Variants in COL4A6 observed in about 807,000 individuals in gnomAD.
COL4A6 encodes the protein collagen type IV alpha 6 chain.
Under a neutral mutation model 126.7 loss-of-function variants are expected in COL4A6, and 59 were observed. That is an observed-to-expected ratio of 0.47 (90% CI 0.38 to 0.58). The LOEUF (loss-of-function observed/expected upper bound fraction) is 0.58, where lower values mean the gene tolerates loss of function less well. Among genes scored for constraint, COL4A6 ranks in the 20% least tolerant of loss-of-function variants. COL4A6 has a pLI of 0.00. For missense variants in COL4A6, 1,285 were observed against 1,337.3 expected, an observed-to-expected ratio of 0.96 and a Z score of 0.61; for synonymous variants, 547 against 496.6, an observed-to-expected ratio of 1.10 and a Z score of -1.35.
chrX:108,321,720 T>TAA (rs1490521925), intron 2 of COL4A6, among the ~76,000 whole-genome samples: 10 of 110,853 alleles, frequency 9.0e-5, no homozygotes, highest in African/African-American at 2.9e-4. Context: ...TATATATATA[T>TAA]AATCTTCATT....
In COL4A6 at chrX:108,214,140, T is replaced by C; in HGVS notation, c.413A>G (p.Asp138Gly). Residue 138 changes from aspartate to glycine, a missense_variant, in exon 6 of 45, where the codon GAT becomes GGT. Asp to Gly is a moderately conservative substitution (Grantham distance 94). Transcript: ENST00000334504. Reference protein sequence around the residue: ...TQGAVGFPGPDGYPGLLGPPG... With the variant: ...TQGAVGFPGPGGYPGLLGPPG... Reference sequence around the variant, plus strand: ...TGGTCCGAGAAGCCCAGGATAGCCATCAGGGCCTGGAAATCCAACAGCTCC... The same window carrying C: ...TGGTCCGAGAAGCCCAGGATAGCCACCAGGGCCTGGAAATCCAACAGCTCC... 1 of 1,209,070 alleles carries C rather than the reference T, an allele frequency of 8.3e-7. No individual in the cohort carries two copies. Among genetic ancestry groups the C allele is most frequent in the South Asian group, 1.8e-5 (1 of 56,603 alleles).
At chrX:108,347,257 G>A (rs111731291) in intron 2 of COL4A6, among the ~76,000 whole-genome samples, 131 of 111,824 alleles carry the variant, frequency 1.2e-3, no homozygotes, top group African/African-American at 3.8e-3. Flanking sequence ...GGAAGTGGGA[G>A]GAAAGCGGAG....
At chrX:108,312,105 G>A (rs1034266141) in intron 2 of COL4A6, among the ~76,000 whole-genome samples, 1 of 112,280 alleles carries the variant, frequency 8.9e-6, no homozygotes, top group East Asian at 2.8e-4. Flanking sequence ...CTCTGGGATG[G>A]ATTTAGTACC....
rs187242438 is a variant in COL4A6, at chrX:108,285,487, G to A, written c.144+25261C>T. Among the ~76,000 whole-genome samples the A allele has an allele frequency of 5.9e-3, 654 of 111,675 alleles. 6 individuals are homozygous for A. The highest frequency in any genetic ancestry group is 0.047 in the South Asian group (121 of 2,596). ...GGAAATGTCACATGGCAATGTCTGA[G>A]CGGAGGGTTGTTAAAGCAATCAAAG... On this transcript the variant is annotated intron_variant, in intron 3 of 44. Coordinates refer to ENST00000334504, the MANE Select transcript of COL4A6 (RefSeq NM_033641.4).
At chrX:108,195,171 T>G in intron 14 of COL4A6, 45 bp from the exon 15 acceptor site, 1 of 1,034,474 alleles carries the variant, frequency 9.7e-7, no homozygotes, top group South Asian at 2.0e-5. Context: ...ATAGGCTACC[T>G]AGAAAAAGCC....
chrX:108,231,391 C>A (rs2036300695), intron 3 of COL4A6, among the ~76,000 whole-genome samples: 1 of 112,374 alleles, frequency 8.9e-6, no homozygotes, highest in Non-Finnish European at 1.9e-5. Context: ...TCTTGCTAGG[C>A]AAGACTTTGC....
chrX:108,257,351 C>A (rs2037034142), intron 3 of COL4A6, among the ~76,000 whole-genome samples: 1 of 111,888 alleles, frequency 8.9e-6, no homozygotes, highest in Admixed American at 9.4e-5. Context: ...ATGCTTGGAT[C>A]TCCTGCTTTA....
chrX:108,264,400 A>G (rs1255742309), intron 3 of COL4A6, among the ~76,000 whole-genome samples: 1 of 111,814 alleles, frequency 8.9e-6, no homozygotes, highest in Non-Finnish European at 1.9e-5. Context: ...TCTTGTTTGT[A>G]TATCCCAATC....
intron 2 of COL4A6, among the ~76,000 whole-genome samples, chrX:108,330,709 G>A (rs1209166008): frequency 2.7e-5 from 3 of 110,909 alleles, no homozygotes; most frequent in African/African-American, 9.8e-5. Flanking sequence ...CTGTGTGCCC[G>A]TTTTCACTCC....
intron 2 of COL4A6, among the ~76,000 whole-genome samples, chrX:108,423,394 G>A (rs1204407844): frequency 1.8e-5 from 2 of 111,913 alleles, no homozygotes; most frequent in Non-Finnish European, 3.8e-5. Context: ...AATGCTAAGA[G>A]TGTTATGTGC....
chrX:108,227,379 G>A (rs1020819998), intron 3 of COL4A6, among the ~76,000 whole-genome samples: 2 of 111,962 alleles, frequency 1.8e-5, no homozygotes, highest in Non-Finnish European at 3.8e-5. Flanking sequence ...AGCCAAATAT[G>A]AGTGACTAAT....
intron 3 of COL4A6, among the ~76,000 whole-genome samples, chrX:108,226,975 A>G (rs1265567478): frequency 9.0e-6 from 1 of 111,360 alleles, no homozygotes; most frequent in Admixed American, 9.5e-5. Context: ...CTCCTACTCC[A>G]GGGCCTTTTT....
intron 2 of COL4A6, among the ~76,000 whole-genome samples, chrX:108,346,076 C>A (rs1895270791): frequency 9.0e-6 from 1 of 111,362 alleles, no homozygotes; most frequent in African/African-American, 3.3e-5. Flanking sequence ...ACCGTGGCAC[C>A]AACATTTAAC....
intron 37 of COL4A6, among the ~76,000 whole-genome samples, chrX:108,166,113 TC>T (rs1479421127): frequency 8.9e-6 from 1 of 112,024 alleles, no homozygotes; most frequent in Non-Finnish European, 1.9e-5. Flanking sequence ...ACTAAATCCC[TC>T]CCCCCTTTTT....
At chrX:108,171,614 A>G (rs2034307101) in intron 32 of COL4A6, among the ~76,000 whole-genome samples, 153 bp from the exon 33 acceptor site, 1 of 111,534 alleles carries the variant, frequency 9.0e-6, no homozygotes, top group Non-Finnish European at 1.9e-5. Context: ...GTGATGAACC[A>G]CCATCCAGGA....
At chrX:108,434,691 T>C (rs1302725401) in intron 2 of COL4A6, among the ~76,000 whole-genome samples, 1 of 109,606 alleles carries the variant, frequency 9.1e-6, no homozygotes, top group Non-Finnish European at 1.9e-5. Context: ...CTATGGATTA[T>C]CTATTTACAG....
At chrX:108,247,270 G>A (rs893483871) in intron 3 of COL4A6, among the ~76,000 whole-genome samples, 21 of 111,849 alleles carry the variant, frequency 1.9e-4, no homozygotes, top group Non-Finnish European at 1.7e-4. Flanking sequence ...AAAATGGAAC[G>A]ATGTTAATAA....
Position 108,259,515 on chromosome X carries a change from C to T in COL4A6, c.145-38141G>A, listed in dbSNP as rs1301235673. On this transcript the variant is annotated intron_variant, in intron 3 of 44. Transcript: ENST00000334504. ...AGGCAGTGTCTTGCGGGATTCTCTCCGAGTTAGGAGGCCGGAATCTAGTCC... is the reference window on the plus strand; with the variant it reads ...AGGCAGTGTCTTGCGGGATTCTCTCTGAGTTAGGAGGCCGGAATCTAGTCC... Among the ~76,000 whole-genome samples, 10 of 111,429 alleles carry T rather than the reference C, an allele frequency of 9.0e-5. No individual in the cohort carries two copies. The East Asian group carries it at 2.6e-3, about 28-fold the overall frequency.
intron 2 of COL4A6, among the ~76,000 whole-genome samples, chrX:108,357,725 G>A (rs147042638): frequency 0.011 from 1,224 of 110,252 alleles, 18 homozygotes; most frequent in African/African-American, 0.037. Flanking sequence ...TGCCCAGTAT[G>A]CCTTTTTCTT....
Sources: gnomAD v4.1 joint callset for allele counts (sites outside exome capture counted in the v4.1 genomes callset) on GRCh38, gnomAD v4.1.1 for gene constraint, MANE v1.5 for transcripts, NCBI Gene and HGNC (gene_info 2026-07-23, HGNC 2026-07-21) for gene names.